The following ACSF3 variants were observed in gnomAD, a reference collection of about 807,000 sequenced individuals.
The protein encoded by ACSF3 is acyl-CoA synthetase family member 3, also known as malonate--CoA ligase ACSF3, mitochondrial.
In ACSF3, 78 loss-of-function variants were observed where a neutral mutation model predicts 53.2. The ratio of observed to expected loss-of-function variants is 1.47; its 90% confidence interval spans 1.22 to 1.77. ACSF3 has a LOEUF of 1.77. Among genes scored for constraint, ACSF3 ranks in the 40% most tolerant of loss-of-function variants. ACSF3 has a pLI of 0.00. For synonymous variants in ACSF3, 414 were observed against 333.1 expected (o/e 1.24, Z -2.65); for missense variants, 937 against 771.1 (o/e 1.22, Z -2.55).
At chr16:89,095,201 G>C (rs1359574717) in intron 1 of ACSF3, 1 of 152,202 alleles carries the variant, frequency 6.6e-6, no homozygotes, top group East Asian at 1.9e-4. Context: ...GCAGGTGTTG[G>C]AGGACATAAG....
chr16:89,105,679 C>T (rs970566849), intron 4 of ACSF3, among the ~76,000 whole-genome samples: 1 of 152,222 alleles, frequency 6.6e-6, no homozygotes, highest in Non-Finnish European at 1.5e-5. Flanking sequence ...TTGGGGGCTG[C>T]CCGGGCGCTG....
At chr16:89,114,623 C>A in intron 6 of ACSF3, 136 bp downstream of exon 6, 2 of 1,296,656 alleles carry the variant, frequency 1.5e-6, no homozygotes, top group Non-Finnish European at 2.2e-6. Flanking sequence ...GCCACTCGGC[C>A]AGGAGAGCAC....
At chr16:89,112,379 T>C (rs1458238117) in intron 5 of ACSF3, 133 bp downstream of exon 5, 2 of 1,145,496 alleles carry the variant, frequency 1.7e-6, no homozygotes, top group Non-Finnish European at 2.6e-6. Flanking sequence ...TCCCTCTCTC[T>C]CTACCCGTCT....
intron 2 of ACSF3, 65 bp from the exon 3 acceptor site, chr16:89,100,597 C>G: frequency 6.8e-7 from 1 of 1,474,392 alleles, no homozygotes; most frequent in Non-Finnish European, 9.1e-7. Flanking sequence ...TGTTTTAAAT[C>G]CTGTCTTGGC....
At chr16:89,151,114 T>G in intron 10 of ACSF3, 3 of 1,179,594 alleles carry the variant, frequency 2.5e-6, no homozygotes, top group Non-Finnish European at 2.3e-6. Context: ...ATGCGGGCTC[T>G]GACGGGCAGG....
chr16:89,103,022 G>A (rs1232274895), intron 4 of ACSF3, among the ~76,000 whole-genome samples: 2 of 152,214 alleles, frequency 1.3e-5, no homozygotes, highest in East Asian at 1.9e-4. Flanking sequence ...CTATGATAAA[G>A]CTTAATTTAT....
intron 5 of ACSF3, chr16:89,113,632 G>A (rs1206093636): frequency 6.5e-6 from 1 of 154,564 alleles, no homozygotes; most frequent in Non-Finnish European, 1.4e-5. Context: ...TCCTCGTAAA[G>A]CAGGGGCAGC....
chr16:89,149,196 A>C (rs1913656881), intron 10 of ACSF3: 1 of 152,170 alleles, frequency 6.6e-6, no homozygotes, highest in Non-Finnish European at 1.5e-5. Context: ...AGTCACAACA[A>C]TTTAACAAGT....
Position 89,154,833 on chromosome 16 carries a change from G to A in ACSF3, c.*626G>A, listed in dbSNP as rs1410459779. 3.1e-5 allele frequency: 14 copies of A among 454,038 alleles called. No individual in the cohort carries two copies. The East Asian group carries it at 8.3e-4, about 27-fold the overall frequency. 28.1% of individuals were successfully genotyped at this position (454,038 alleles called of 1,614,324 possible). On this transcript the variant is annotated 3_prime_UTR_variant, in exon 11 of 11. Transcript: ENST00000614302. ...CACACTACTGTGTGTCCATCAGCAT[G>A]TGTCACAGAAAGTGCGTGGACGGAT...
chr16:89,151,290 G>T (rs138044073), intron 10 of ACSF3: 55 of 429,562 alleles, frequency 1.3e-4, no homozygotes, highest in African/African-American at 8.0e-4. Context: ...GGCCCAAAAG[G>T]CTTCACTGAT....
chr16:89,150,944 G>A (rs1913975735), intron 10 of ACSF3: 12 of 1,260,696 alleles, frequency 9.5e-6, no homozygotes, highest in Non-Finnish European at 1.1e-5. Context: ...TGTTCCAACT[G>A]TCTAATGGGA....
At chr16:89,150,449 C>T (rs1375080045) in intron 10 of ACSF3, 1 of 153,812 alleles carries the variant, frequency 6.5e-6, no homozygotes, top group Non-Finnish European at 1.4e-5. Context: ...GAACTGAAGT[C>T]CCGATGCTCC....
At chr16:89,144,788 G>T (rs1293747406) in intron 8 of ACSF3, among the ~76,000 whole-genome samples, 4 of 152,218 alleles carry the variant, frequency 2.6e-5, no homozygotes, top group African/African-American at 9.6e-5. Flanking sequence ...GGAGGGTAAA[G>T]CATCAGACCC....
rs974304127 is a variant in ACSF3, at chr16:89,155,111, A to G, written c.*904A>G. ...TGTGTTGTGAATGTTGGGTGCACCC[A>G]CGTTGCATTTACTTAGCGGGGCCAA... On this transcript the variant is annotated 3_prime_UTR_variant, in exon 11 of 11. Coordinates refer to ENST00000614302, the MANE Select transcript of ACSF3 (RefSeq NM_001243279.3). 2 of 454,138 alleles carry G rather than the reference A, an allele frequency of 4.4e-6. No individual in the cohort carries two copies. Among genetic ancestry groups the G allele is most frequent in the Non-Finnish European group, 4.4e-6 (1 of 226,792 alleles). 28.1% of individuals were successfully genotyped at this position (454,138 alleles called of 1,614,324 possible).
At chr16:89,099,577 T>G (rs991352726) in intron 2 of ACSF3, among the ~76,000 whole-genome samples, 2 of 152,142 alleles carry the variant, frequency 1.3e-5, no homozygotes, top group African/African-American at 4.8e-5. Flanking sequence ...GGTCAGGAGT[T>G]GGAGACCAGT....
At position 89,126,968 on chromosome 16, in the gene ACSF3, A is replaced by G. The variant is rs61148701; in HGVS notation, c.1239+6055A>G. 8.4e-3 allele frequency among the ~76,000 whole-genome samples: 1,260 copies of G among 150,694 alleles called. 25 individuals carry two copies. The highest frequency in any genetic ancestry group is 0.048 in the East Asian group (247 of 5,148). On this transcript the variant is annotated intron_variant, in intron 7 of 10. Transcript: ENST00000614302. The stretch of plus-strand genomic sequence containing the variant: ...CTTTTTATCACTAAATGTATGTTGA[A>G]TATTTTCAAAAAGCTTTTCGGTATT...
rs922581606 is a variant in ACSF3 at position 89,100,841 on chromosome 16, G to A, written c.160G>A (p.Gly54Arg). Residue 54 changes from glycine to arginine, a missense_variant, in exon 3 of 11, where the codon GGG (glycine) becomes AGG (arginine). Transcript: ENST00000614302. ...APVFTRALAF[G>R]DRIALVDQHG... ...GGTGTTCACCCGTGCCCTGGCCTTT[G>A]GGGACAGAATCGCCCTGGTTGACCA... is the stretch of plus-strand genomic sequence containing the variant. 1.9e-6 allele frequency: 3 copies of A among 1,613,510 alleles called. No individual in the cohort carries two copies. Among genetic ancestry groups the A allele is most frequent in the Non-Finnish European group, 8.5e-7 (1 of 1,180,020 alleles).
chr16:89,112,463 G>A (rs1199485040), intron 5 of ACSF3, among the ~76,000 whole-genome samples: 2 of 151,480 alleles, frequency 1.3e-5, no homozygotes, highest in African/African-American at 4.9e-5. Flanking sequence ...CTTCCACGTC[G>A]ATAGCTGCCT....
chr16:89,141,014 A>G, intron 8 of ACSF3: 1 of 1,213,990 alleles, frequency 8.2e-7, no homozygotes, highest in Non-Finnish European at 1.1e-6. Context: ...TTTGATAAAT[A>G]GGTTGTTATG....
Sources: allele counts gnomAD v4.1 joint callset (sites outside exome capture counted in the v4.1 genomes callset), GRCh38; gene constraint gnomAD v4.1.1; transcripts MANE v1.5; gene names NCBI Gene and HGNC (gene_info 2026-07-23, HGNC 2026-07-21).